The following FMN1 variants were observed in gnomAD, a reference collection of about 807,000 sequenced individuals.
The protein encoded by FMN1 is formin-1.
A neutral mutation model predicts 132.4 loss-of-function variants in FMN1; 110 were observed. The observed-to-expected ratio is 0.83, with a 90% confidence interval of 0.71 to 0.97. The LOEUF is 0.97. Among genes scored for constraint, FMN1 ranks in the 50% least tolerant of loss-of-function variants. The probability of loss-of-function intolerance (pLI) is 0.00; values close to 1 mark genes in which losing one functional copy is unlikely to be tolerated. For missense variants in FMN1, 1,792 were observed against 1,705.3 expected (o/e 1.05, Z -0.90); for synonymous variants, 722 against 651.7 (o/e 1.11, Z -1.64).
chr15:32,797,116 G>C (rs1200757160), intron 19 of FMN1, among the ~76,000 whole-genome samples: 1 of 152,086 alleles, frequency 6.6e-6, no homozygotes, highest in South Asian at 2.1e-4. Context: ...AGGACTTCTG[G>C]ATACCACCTC....
chr15:32,879,716 C>T (rs2059718228), intron 16 of FMN1, among the ~76,000 whole-genome samples: 1 of 151,980 alleles, frequency 6.6e-6, no homozygotes, highest in South Asian at 2.1e-4. Context: ...TGGCAAAGTG[C>T]ATGGTTTATC....
At chr15:32,828,383 GTCAGAATT>G (rs1316082222) in intron 17 of FMN1, among the ~76,000 whole-genome samples, 5 of 152,224 alleles carry the variant, frequency 3.3e-5, no homozygotes, top group South Asian at 2.1e-4. Flanking sequence ...AGTGCAGAAT[GTCAGAATT>G]TCTTCTTAAT....
chr15:33,190,761 T>C (rs534254821), intron 2 of FMN1, among the ~76,000 whole-genome samples: 2 of 152,274 alleles, frequency 1.3e-5, no homozygotes, highest in African/African-American at 2.4e-5. Flanking sequence ...AGCAGCATCA[T>C]AAAGGTGTCT....
chr15:32,953,261 G>A (rs902735410), intron 9 of FMN1, among the ~76,000 whole-genome samples: 8 of 152,144 alleles, frequency 5.3e-5, no homozygotes, highest in Non-Finnish European at 8.8e-5. Flanking sequence ...ATAACATGAC[G>A]ACACACATGA....
At chr15:33,028,871 T>TCC (rs568092285) in intron 6 of FMN1, among the ~76,000 whole-genome samples, 1 of 152,182 alleles carries the variant, frequency 6.6e-6, no homozygotes, top group South Asian at 2.1e-4. Flanking sequence ...AAATGCTCCC[T>TCC]CCCTCCTATT....
In FMN1 at chr15:33,064,984, TTTC is replaced by T; in HGVS notation, c.2131_2133del (p.Glu711del). The T allele has an allele frequency of 4.3e-6, 7 of 1,612,520 alleles. No individual in the cohort carries two copies. The highest frequency in any genetic ancestry group is 4.2e-6 in the Non-Finnish European group (5 of 1,179,296). On this transcript the variant is annotated inframe_deletion, in exon 6 of 21. Transcript: ENST00000616417. The stretch of plus-strand genomic sequence containing the variant: ...GCTTCAGTGTACTTCAGTCCCACTT[TTTC>T]TTCTGTGTCTTTTGTCTTTGGGGGT...
chr15:32,783,743 TCAAAAAAAAAAAAAAAAAAA>T (rs2056751545), intron 19 of FMN1, among the ~76,000 whole-genome samples: 2 of 32,492 alleles, frequency 6.2e-5, no homozygotes, highest in Admixed American at 5.5e-4. Flanking sequence ...AGACTCTGTT[TCAAAAAAAAAAAAAAAAAAA>T]AAAAAAAAAA....
intron 7 of FMN1, among the ~76,000 whole-genome samples, chr15:33,003,115 G>C (rs2034209086): frequency 6.6e-6 from 1 of 152,174 alleles, no homozygotes. Context: ...ACAAAAACTG[G>C]AAGCATTCCC....
At chr15:32,922,902 G>C (rs886073332) in intron 10 of FMN1, among the ~76,000 whole-genome samples, 2 of 152,202 alleles carry the variant, frequency 1.3e-5, no homozygotes, top group African/African-American at 4.8e-5. Flanking sequence ...TGCCGAAACA[G>C]AGTGATGGAA....
chr15:33,169,342 C>A (rs1965227466), intron 3 of FMN1, among the ~76,000 whole-genome samples: 1 of 152,136 alleles, frequency 6.6e-6, no homozygotes, highest in South Asian at 2.1e-4. Flanking sequence ...AACACATCCT[C>A]AAAACACATA....
chr15:33,040,123 A>G (rs905855355), intron 6 of FMN1, among the ~76,000 whole-genome samples: 17 of 152,138 alleles, frequency 1.1e-4, no homozygotes, highest in Non-Finnish European at 1.5e-5. Context: ...TGTCTCATGT[A>G]TATCATTCAT....
At chr15:32,933,469 C>CTGTT (rs111773810) in intron 9 of FMN1, among the ~76,000 whole-genome samples, 4,640 of 152,252 alleles carry the variant, frequency 0.03, 242 homozygotes, top group African/African-American at 0.11. Context: ...GTGGAATGGT[C>CTGTT]TATTTCCATT....
chr15:32,964,135 G>C lies in FMN1; in HGVS notation c.3110C>G (p.Thr1037Ser), dbSNP rs199988791. The change falls in exon 9 of 21, where the codon ACT becomes AGT. Residue 1037 changes from threonine (T) to serine (S), a missense_variant. This residue lies in a region of FMN1 where 1,150 missense variants were observed against 1,043.1 expected (regional missense o/e 1.10). Transcript: ENST00000616417. Reference sequence around the variant, plus strand: ...TTTGACCTTGTTTTTCTTCTCATAAGTCTCTGACAGAGGTTTTTTCTTCTG... The same window carrying C: ...TTTGACCTTGTTTTTCTTCTCATAACTCTCTGACAGAGGTTTTTTCTTCTG... Reference protein sequence around the residue: ...TQQKKKPLSETYEKKNKVKKI... With the variant: ...TQQKKKPLSESYEKKNKVKKI... 6.2e-7 allele frequency: 1 copy of C among 1,612,068 alleles called. No individual in the cohort carries two copies. The highest frequency in any genetic ancestry group is 1.3e-5 in the African/African-American group (1 of 74,606).
intron 16 of FMN1, among the ~76,000 whole-genome samples, chr15:32,886,975 T>C (rs1164479796): frequency 6.6e-6 from 1 of 152,142 alleles, no homozygotes; most frequent in Non-Finnish European, 1.5e-5. Flanking sequence ...TTTGTTTGAA[T>C]TCATTCAACC....
At chr15:32,837,675 T>C (rs977477761) in intron 17 of FMN1, among the ~76,000 whole-genome samples, 1 of 152,234 alleles carries the variant, frequency 6.6e-6, no homozygotes, top group Non-Finnish European at 1.5e-5. Flanking sequence ...ATCAGCTATA[T>C]CTAATGCTCC....
chr15:32,809,269 A>T (rs1198023037), intron 17 of FMN1, among the ~76,000 whole-genome samples: 1 of 152,198 alleles, frequency 6.6e-6, no homozygotes, highest in East Asian at 1.9e-4. Flanking sequence ...CTGAGAGCTA[A>T]GATTCCTTCC....
intron 6 of FMN1, among the ~76,000 whole-genome samples, chr15:33,046,247 T>A (rs28592093): frequency 6.6e-6 from 1 of 152,038 alleles, no homozygotes; most frequent in Non-Finnish European, 1.5e-5. Flanking sequence ...ACATTAGGCC[T>A]GGGAAGCAGC....
At chr15:33,185,791 C>T (rs1236505569) in intron 2 of FMN1, among the ~76,000 whole-genome samples, 3 of 151,868 alleles carry the variant, frequency 2.0e-5, no homozygotes, top group Admixed American at 6.6e-5. Flanking sequence ...AGGCTGGTCT[C>T]GAACTCCTGA....
At chr15:32,893,172 G>GA (rs2060073487) in intron 15 of FMN1, among the ~76,000 whole-genome samples, 1 of 152,178 alleles carries the variant, frequency 6.6e-6, no homozygotes, top group Non-Finnish European at 1.5e-5. Flanking sequence ...CAGACACAAT[G>GA]TACTTTTTTC....
Sources: gnomAD v4.1 joint callset for allele counts (sites outside exome capture counted in the v4.1 genomes callset) on GRCh38, gnomAD v4.1.1 for gene constraint, gnomAD v4.1.1 regional missense constraint, MANE v1.5 for transcripts, NCBI Gene and HGNC (gene_info 2026-07-23, HGNC 2026-07-21) for gene names.